Variants in LY96 observed in about 807,000 individuals in gnomAD.
The protein encoded by LY96 is lymphocyte antigen 96.
A neutral mutation model predicts 18.9 loss-of-function variants in LY96; 18 were observed. The observed-to-expected ratio is 0.95, with a 90% CI of 0.66 to 1.41. LY96 has a LOEUF of 1.41. LY96 is among the 40% of genes most tolerant of loss of function. LY96 has a pLI of 0.00. For synonymous variants in LY96, 66 were observed against 62.6 expected (o/e 1.06, Z -0.26); for missense variants, 175 against 182.4 (o/e 0.96, Z 0.23).
chr8:74,069,837 G>A, the LY96 span, among the ~76,000 whole-genome samples: 1 of 152,060 alleles, frequency 6.6e-6, no homozygotes, highest in Non-Finnish European at 1.5e-5. Context: ...CCTGACCTCA[G>A]GTGATCCTCC....
At chr8:74,021,334 TG>T (rs1438216745) in intron 3 of LY96, among the ~76,000 whole-genome samples, 43 of 152,312 alleles carry the variant, frequency 2.8e-4, no homozygotes, top group Non-Finnish European at 2.2e-4. Context: ...TCATCATCAC[TG>T]GTCATCAGAG....
At chr8:74,042,392 G>C in the LY96 span, among the ~76,000 whole-genome samples, 479 of 152,202 alleles carry the variant, frequency 3.1e-3, 6 homozygotes, top group African/African-American at 0.011. Flanking sequence ...ATGGTGGCAG[G>C]TGCCTGTAGT....
the LY96 span, among the ~76,000 whole-genome samples, chr8:74,045,459 A>T: frequency 5.3e-5 from 8 of 152,200 alleles, no homozygotes; most frequent in Non-Finnish European, 1.0e-4. Flanking sequence ...AAAATCCAAA[A>T]TATGTTATCC....
At chr8:74,047,547 G>C in the LY96 span, among the ~76,000 whole-genome samples, 1 of 152,208 alleles carries the variant, frequency 6.6e-6, no homozygotes, top group East Asian at 1.9e-4. Context: ...TTGTGCACAA[G>C]ATACAAGAGA....
chr8:74,060,171 C>T, the LY96 span, among the ~76,000 whole-genome samples: 1 of 152,106 alleles, frequency 6.6e-6, no homozygotes, highest in South Asian at 2.1e-4. Context: ...ACGACGACGA[C>T]GACGACGACA....
chr8:74,060,004 T>C, the LY96 span, among the ~76,000 whole-genome samples: 1 of 152,050 alleles, frequency 6.6e-6, no homozygotes, highest in African/African-American at 2.4e-5. Context: ...CTGTGCGTGG[T>C]GGTGTGCACG....
chr8:74,073,804 G>T, the LY96 span, among the ~76,000 whole-genome samples: 3 of 148,872 alleles, frequency 2.0e-5, no homozygotes, highest in Admixed American at 2.0e-4. Flanking sequence ...GCTGAGGCAG[G>T]ATGCCACCAC....
chr8:74,033,438 G>C (rs1386777009), downstream of LY96, among the ~76,000 whole-genome samples: 2 of 152,182 alleles, frequency 1.3e-5, no homozygotes, highest in Non-Finnish European at 2.9e-5. Context: ...TGACAAAAGG[G>C]ACTGAGTCCT....
intron 3 of LY96, among the ~76,000 whole-genome samples, chr8:74,011,837 T>G (rs1260673549): frequency 7.5e-6 from 1 of 132,876 alleles, no homozygotes; most frequent in Non-Finnish European, 1.5e-5. Context: ...CCAGCCCAGG[T>G]GACAGAGTGA....
chr8:74,013,822 C>T (rs1816581914), intron 3 of LY96, among the ~76,000 whole-genome samples: 1 of 152,034 alleles, frequency 6.6e-6, no homozygotes, highest in Non-Finnish European at 1.5e-5. Context: ...TGGGGAATTG[C>T]TGGAGATGAG....
the LY96 span, among the ~76,000 whole-genome samples, chr8:74,085,028 C>T: frequency 6.6e-6 from 1 of 152,194 alleles, no homozygotes; most frequent in African/African-American, 2.4e-5. Flanking sequence ...TCCAGATAGA[C>T]TTTCTGTTTA....
chr8:74,040,695 T>G, the LY96 span, among the ~76,000 whole-genome samples: 3 of 144,950 alleles, frequency 2.1e-5, no homozygotes, highest in Non-Finnish European at 4.5e-5. Context: ...ACTCTATGTG[T>G]CTGTTTTTTT....
the LY96 span, among the ~76,000 whole-genome samples, chr8:74,052,878 A>G: frequency 6.6e-6 from 1 of 152,252 alleles, no homozygotes; most frequent in Non-Finnish European, 1.5e-5. Flanking sequence ...CAGAGTTTAC[A>G]TTTACCATGT....
chr8:74,073,640 A>AATTTATTT, the LY96 span, among the ~76,000 whole-genome samples: 769 of 145,364 alleles, frequency 5.3e-3, 3 homozygotes, highest in African/African-American at 0.014. Flanking sequence ...GAGATTGATG[A>AATTTATTT]ATTTATTTAT....
chr8:74,062,327 T>C, the LY96 span, among the ~76,000 whole-genome samples: 2 of 152,132 alleles, frequency 1.3e-5, no homozygotes, highest in Non-Finnish European at 2.9e-5. Flanking sequence ...TTGCTGCACT[T>C]ATGAACCCAT....
chr8:74,085,406 A>T, the LY96 span, among the ~76,000 whole-genome samples: 1 of 152,156 alleles, frequency 6.6e-6, no homozygotes, highest in Non-Finnish European at 1.5e-5. Flanking sequence ...AGGGGAGAGG[A>T]TGGCTTCCCA....
the LY96 span, among the ~76,000 whole-genome samples, chr8:74,063,947 T>C: frequency 1.3e-5 from 2 of 152,130 alleles, no homozygotes; most frequent in African/African-American, 2.4e-5. Context: ...TGACTTTTTT[T>C]CCCCTGTCAT....
chr8:74,064,595 C>T, the LY96 span, among the ~76,000 whole-genome samples: 25 of 152,296 alleles, frequency 1.6e-4, no homozygotes, highest in African/African-American at 6.0e-4. Context: ...ATGTGAGCTC[C>T]CCTTTTCCTT....
the LY96 span, among the ~76,000 whole-genome samples, chr8:74,049,882 G>A: frequency 2.6e-5 from 4 of 152,300 alleles, no homozygotes; most frequent in South Asian, 2.1e-4. Flanking sequence ...GCCCGGCATC[G>A]TGGTGTGCAT....
Sources: allele counts gnomAD v4.1 joint callset (sites outside exome capture counted in the v4.1 genomes callset), GRCh38; gene constraint gnomAD v4.1.1; transcripts MANE v1.5; gene names NCBI Gene and HGNC (gene_info 2026-07-23, HGNC 2026-07-21).